The following FILIP1L variants were observed in gnomAD, a reference collection of about 807,000 sequenced individuals.
The protein encoded by FILIP1L is filamin A interacting protein 1 like.
FILIP1L carries 55 observed loss-of-function variants against 96.6 expected under a neutral mutation model. That is an observed-to-expected ratio of 0.57 (90% CI 0.46 to 0.71). FILIP1L has a LOEUF of 0.71. FILIP1L is among the 30% of genes least tolerant of loss of function. The probability of loss-of-function intolerance (pLI) is 0.00; values close to 1 mark genes in which losing one functional copy is unlikely to be tolerated. For synonymous variants in FILIP1L, 467 were observed against 473.9 expected (o/e 0.99, Z 0.19); for missense variants, 1,304 against 1,321.2 (o/e 0.99, Z 0.20).
intron 4 of FILIP1L, among the ~76,000 whole-genome samples, chr3:99,894,023 G>A (rs1370622560): frequency 6.6e-6 from 1 of 152,144 alleles, no homozygotes; most frequent in African/African-American, 2.4e-5. Context: ...GGAGGAGGAA[G>A]GCCAGTTAAC....
At chr3:100,088,727 T>C (rs6781780) in intron 1 of FILIP1L, among the ~76,000 whole-genome samples, 1,784 of 152,236 alleles carry the variant, frequency 0.012, 23 homozygotes, top group African/African-American at 0.026. Flanking sequence ...CATATTTTCT[T>C]GTCCTTGTGC....
intron 4 of FILIP1L, among the ~76,000 whole-genome samples, chr3:99,896,049 A>G (rs979549983): frequency 2.0e-5 from 3 of 152,180 alleles, no homozygotes; most frequent in Non-Finnish European, 2.9e-5. Context: ...AGCATGAGTC[A>G]TGGATGTCTT....
intron 1 of FILIP1L, among the ~76,000 whole-genome samples, chr3:100,088,882 T>C (rs2066056922): frequency 6.6e-6 from 1 of 152,222 alleles, no homozygotes; most frequent in African/African-American, 2.4e-5. Context: ...TTTTGTGATG[T>C]AAATGTTTGT....
At chr3:99,925,830 G>C (rs2107656171) in intron 3 of FILIP1L, 1 of 985,318 alleles carries the variant, frequency 1.0e-6, no homozygotes, top group South Asian at 4.7e-5. Flanking sequence ...ATCACAGTCA[G>C]ATGGAGTTAG....
chr3:99,948,454 G>A (rs979325581), intron 1 of FILIP1L, among the ~76,000 whole-genome samples: 2 of 151,498 alleles, frequency 1.3e-5, no homozygotes, highest in African/African-American at 2.4e-5. Context: ...AGAAGGATCA[G>A]GATCACCTAA....
intron 5 of FILIP1L, among the ~76,000 whole-genome samples, chr3:99,832,972 A>G (rs984514644): frequency 6.6e-6 from 1 of 151,892 alleles, no homozygotes; most frequent in Non-Finnish European, 1.5e-5. Context: ...GTTATGTCAA[A>G]TAGCTCCAAG....
intron 4 of FILIP1L, among the ~76,000 whole-genome samples, chr3:99,899,925 G>A (rs1007947661): frequency 3.9e-5 from 6 of 152,188 alleles, no homozygotes; most frequent in African/African-American, 9.7e-5. Context: ...CTAGTTAGCT[G>A]TTACTAGTAC....
intron 1 of FILIP1L, among the ~76,000 whole-genome samples, chr3:100,000,186 C>T (rs1175774257): frequency 6.6e-6 from 1 of 152,202 alleles, no homozygotes; most frequent in Non-Finnish European, 1.5e-5. Flanking sequence ...TTCCTGCCTT[C>T]TTCTGATCCT....
chr3:100,091,823 G>A (rs778832795), intron 1 of FILIP1L, among the ~76,000 whole-genome samples: 2 of 152,028 alleles, frequency 1.3e-5, no homozygotes, highest in East Asian at 1.9e-4. Context: ...GTCTCCTCTC[G>A]TGATTCACAG....
chr3:99,904,899 A>G (rs781675793), intron 4 of FILIP1L, among the ~76,000 whole-genome samples: 44 of 152,194 alleles, frequency 2.9e-4, no homozygotes, highest in Non-Finnish European at 3.7e-4. Flanking sequence ...TACACTCTTT[A>G]CGTCTACATC....
chr3:99,869,025 G>A (rs781763328), intron 4 of FILIP1L, among the ~76,000 whole-genome samples: 13 of 152,172 alleles, frequency 8.5e-5, no homozygotes, highest in Non-Finnish European at 1.9e-4. Context: ...TGATAGAGAG[G>A]TAAAAAGAAC....
intron 1 of FILIP1L, among the ~76,000 whole-genome samples, chr3:99,998,686 C>T (rs1253540299): frequency 1.3e-5 from 2 of 152,186 alleles, no homozygotes; most frequent in Non-Finnish European, 2.9e-5. Context: ...CCTCAGCCTC[C>T]CCAGTAGCTG....
intron 4 of FILIP1L, among the ~76,000 whole-genome samples, chr3:99,914,783 C>G (rs1384259511): frequency 1.3e-5 from 2 of 152,162 alleles, no homozygotes; most frequent in Non-Finnish European, 2.9e-5. Flanking sequence ...GGATAGAGTT[C>G]TTTATACTAG....
intron 1 of FILIP1L, chr3:100,039,871 A>T (rs2065174144): frequency 6.6e-6 from 1 of 151,308 alleles, no homozygotes; most frequent in Non-Finnish European, 1.5e-5. Flanking sequence ...CTCCTGCCTC[A>T]GCCTCCCGAG....
chr3:99,875,554 G>T (rs1384080210), intron 4 of FILIP1L, among the ~76,000 whole-genome samples: 1 of 152,106 alleles, frequency 6.6e-6, no homozygotes, highest in Non-Finnish European at 1.5e-5. Flanking sequence ...AGCTTAAAAA[G>T]ATTTTACTTT....
chr3:100,037,957 G>GA (rs1232268596), intron 1 of FILIP1L, among the ~76,000 whole-genome samples: 993 of 10,644 alleles, frequency 0.093, 11 homozygotes, highest in South Asian at 0.29. Flanking sequence ...TTTTTTTTTT[G>GA]GGGGGGGAGG....
chr3:100,110,360 G>A (rs1411050417), intron 1 of FILIP1L, among the ~76,000 whole-genome samples: 3 of 152,080 alleles, frequency 2.0e-5, no homozygotes, highest in African/African-American at 7.2e-5. Flanking sequence ...TTGTTTCAGG[G>A]TCAGGAGCAG....
intron 5 of FILIP1L, among the ~76,000 whole-genome samples, chr3:99,843,520 A>G (rs1943223626): frequency 6.6e-6 from 1 of 152,212 alleles, no homozygotes; most frequent in South Asian, 2.1e-4. Flanking sequence ...GTGCTTGTCA[A>G]TACAGATGCT....
chr3:99,851,512 G>A (rs2107530071), intron 4 of FILIP1L, among the ~76,000 whole-genome samples: 1 of 152,262 alleles, frequency 6.6e-6, no homozygotes, highest in South Asian at 2.1e-4. Flanking sequence ...TATGAAAAAT[G>A]GGGGCAATAA....
Sources: allele counts gnomAD v4.1 joint callset (sites outside exome capture counted in the v4.1 genomes callset), GRCh38; gene constraint gnomAD v4.1.1; transcripts MANE v1.5; gene names NCBI Gene and HGNC (gene_info 2026-07-23, HGNC 2026-07-21).